The following DNER variants were observed in gnomAD, a reference collection of about 807,000 sequenced individuals.
The protein encoded by DNER is delta and Notch-like epidermal growth factor-related receptor.
A neutral mutation model predicts 78.2 loss-of-function variants in DNER; 33 were observed. That is an observed-to-expected ratio of 0.42 (90% CI 0.32 to 0.56). DNER has a LOEUF of 0.56. Among genes scored for constraint, DNER ranks in the 20% least tolerant of loss-of-function variants. DNER has a pLI of 0.11. For synonymous variants in DNER, 417 were observed against 384.8 expected, an observed-to-expected ratio of 1.08 and a Z score of -0.98; for missense variants, 918 against 975.3, an observed-to-expected ratio of 0.94 and a Z score of 0.78.
At chr2:229,599,350 G>C (rs973147944) in intron 1 of DNER, among the ~76,000 whole-genome samples, 1 of 152,164 alleles carries the variant, frequency 6.6e-6, no homozygotes, top group East Asian at 1.9e-4. Flanking sequence ...AAAGGAAGAG[G>C]GAGTGTCTTA....
At chr2:229,545,162 T>A (rs1696597882) in intron 5 of DNER, among the ~76,000 whole-genome samples, 1 of 152,096 alleles carries the variant, frequency 6.6e-6, no homozygotes, top group Admixed American at 6.6e-5. Context: ...TGGAGATGGA[T>A]GTAGTGAGTG....
intron 9 of DNER, among the ~76,000 whole-genome samples, chr2:229,413,720 T>A (rs995500963): frequency 6.6e-6 from 1 of 151,082 alleles, no homozygotes; most frequent in Admixed American, 6.6e-5. Flanking sequence ...AGAGAGGGTG[T>A]TATATATATA....
At chr2:229,491,950 T>TACACAC (rs58442076) in intron 6 of DNER, among the ~76,000 whole-genome samples, 2 of 149,684 alleles carry the variant, frequency 1.3e-5, no homozygotes, top group African/African-American at 2.5e-5. Flanking sequence ...TTGCCATGAT[T>TACACAC]ACACACACAC....
intron 7 of DNER, among the ~76,000 whole-genome samples, chr2:229,472,471 G>A (rs1053591007): frequency 6.6e-6 from 1 of 151,986 alleles, no homozygotes; most frequent in Non-Finnish European, 1.5e-5. Flanking sequence ...GAAGGGAGAT[G>A]GAATTAAGAT....
chr2:229,612,287 C>T (rs569615613), intron 1 of DNER, among the ~76,000 whole-genome samples: 2 of 152,286 alleles, frequency 1.3e-5, no homozygotes, highest in East Asian at 3.9e-4. Flanking sequence ...TATCAACTGA[C>T]CAGGCCAGAA....
At chr2:229,527,098 C>G (rs746489834) in intron 5 of DNER, among the ~76,000 whole-genome samples, 20 of 152,116 alleles carry the variant, frequency 1.3e-4, no homozygotes, top group Non-Finnish European at 1.2e-4. Flanking sequence ...TCTCCGAAAG[C>G]TGCATAACTG....
At chr2:229,498,211 T>G (rs542687194) in intron 6 of DNER, among the ~76,000 whole-genome samples, 1 of 152,218 alleles carries the variant, frequency 6.6e-6, no homozygotes, top group East Asian at 1.9e-4. Flanking sequence ...GAAAAAGCAT[T>G]TGACCAAATT....
At chr2:229,606,960 G>C (rs1314143355) in intron 1 of DNER, among the ~76,000 whole-genome samples, 2 of 152,066 alleles carry the variant, frequency 1.3e-5, no homozygotes, top group Non-Finnish European at 2.9e-5. Flanking sequence ...GAAGTGGAGT[G>C]ACACTTTTCA....
chr2:229,457,012 A>G (rs892655048), intron 7 of DNER, among the ~76,000 whole-genome samples: 1 of 152,130 alleles, frequency 6.6e-6, no homozygotes, highest in African/African-American at 2.4e-5. Context: ...TAACAAAATG[A>G]CATCTTTAAG....
chr2:229,677,567 C>G lies in DNER; in HGVS notation c.276+36581G>C, dbSNP rs185189739. 7.2e-5 allele frequency among the ~76,000 whole-genome samples: 11 copies of G among 152,324 alleles called. No individual in the cohort carries two copies. In the East Asian group the frequency reaches 2.1e-3, roughly 29 times the overall value. ...AGCTATAACTTTGAAGACCCACTCT[C>G]TTCTTTTCATAAATATACCACCTTT... On this transcript the variant is annotated intron_variant, in intron 1 of 12. Coordinates refer to ENST00000341772, the MANE Select transcript of DNER (RefSeq NM_139072.4).
chr2:229,512,767 T>A lies in DNER; in HGVS notation c.1147+16A>T, dbSNP rs758260102. On this transcript the variant is annotated intron_variant, in intron 6 of 12. Transcript: ENST00000341772. ...AGACATACACCTAATAACTGAACCA[T>A]GAGTATGTGTCGTACCAGGAAGGCA... 6.2e-7 allele frequency: 1 copy of A among 1,613,694 alleles called. No individual in the cohort carries two copies. The highest frequency in any genetic ancestry group is 8.5e-7 in the Non-Finnish European group (1 of 1,179,702).
chr2:229,633,682 A>G (rs556705211), intron 1 of DNER, among the ~76,000 whole-genome samples: 16 of 152,362 alleles, frequency 1.1e-4, no homozygotes, highest in African/African-American at 3.8e-4. Flanking sequence ...CTGGGTGAGC[A>G]TGCCTGTCCA....
intron 4 of DNER, among the ~76,000 whole-genome samples, chr2:229,551,344 T>C (rs1263817865): frequency 6.6e-6 from 1 of 152,006 alleles, no homozygotes; most frequent in East Asian, 1.9e-4. Context: ...ATTAAGTAAG[T>C]ATATATAGGC....
chr2:229,423,886 G>A (rs188976833), intron 8 of DNER, among the ~76,000 whole-genome samples: 25 of 152,216 alleles, frequency 1.6e-4, no homozygotes, highest in South Asian at 6.2e-4. Flanking sequence ...GATTTCCATC[G>A]TAGCATTTGT....
chr2:229,649,799 G>C (rs1414823220), intron 1 of DNER, among the ~76,000 whole-genome samples: 2 of 152,200 alleles, frequency 1.3e-5, no homozygotes, highest in Admixed American at 6.5e-5. Context: ...GCATCCCCGG[G>C]TGCGGTGGCT....
At chr2:229,361,838 C>T (rs1468033002) in intron 12 of DNER, among the ~76,000 whole-genome samples, 1 of 138,940 alleles carries the variant, frequency 7.2e-6, no homozygotes, top group Non-Finnish European at 1.5e-5. Context: ...ACTCAGCATT[C>T]TTGTTAAGTA....
chr2:229,602,941 G>A (rs1400668595), intron 1 of DNER, among the ~76,000 whole-genome samples: 1 of 152,170 alleles, frequency 6.6e-6, no homozygotes, highest in Non-Finnish European at 1.5e-5. Context: ...TAAGAACAAT[G>A]TGGGAGGGCT....
intron 11 of DNER, among the ~76,000 whole-genome samples, chr2:229,384,481 T>C (rs1300159011): frequency 1.3e-5 from 2 of 152,100 alleles, no homozygotes; most frequent in African/African-American, 4.8e-5. Flanking sequence ...AGCTGGTTTT[T>C]TGAAAAGATT....
intron 1 of DNER, among the ~76,000 whole-genome samples, chr2:229,615,290 A>G (rs887058889): frequency 2.0e-5 from 3 of 151,974 alleles, no homozygotes; most frequent in African/African-American, 7.3e-5. Flanking sequence ...ACATGCCTGT[A>G]ATCCCAGCTA....
Sources: allele counts gnomAD v4.1 joint callset (sites outside exome capture counted in the v4.1 genomes callset), GRCh38; gene constraint gnomAD v4.1.1; transcripts MANE v1.5; gene names NCBI Gene and HGNC (gene_info 2026-07-23, HGNC 2026-07-21).